The following AFAP1L2 variants were observed in gnomAD, a reference collection of about 807,000 sequenced individuals.
The protein encoded by AFAP1L2 is actin filament associated protein 1 like 2, also known as actin filament-associated protein 1-like 2.
In AFAP1L2, 46 loss-of-function variants were observed where a neutral mutation model predicts 99.3. The observed-to-expected ratio is 0.46, with a 90% CI of 0.37 to 0.59. The LOEUF (loss-of-function observed/expected upper bound fraction) is 0.59. Ranked by LOEUF, AFAP1L2 falls within the 20% of genes least tolerant of loss-of-function variation. The probability of loss-of-function intolerance (pLI) is 0.00; values close to 1 mark genes in which losing one functional copy is unlikely to be tolerated. For synonymous variants in AFAP1L2, 397 were observed against 419.1 expected, an observed-to-expected ratio of 0.95 and a Z score of 0.64; for missense variants, 959 against 1,034.9, an observed-to-expected ratio of 0.93 and a Z score of 1.01.
At chr10:114,384,740 C>T (rs1274927452) in intron 1 of AFAP1L2, among the ~76,000 whole-genome samples, 1 of 152,208 alleles carries the variant, frequency 6.6e-6, no homozygotes. Context: ...TAGCCCACGG[C>T]CTACTGGGGG....
At chr10:114,313,620 T>C (rs753760816) in intron 7 of AFAP1L2, among the ~76,000 whole-genome samples, 32 of 152,186 alleles carry the variant, frequency 2.1e-4, no homozygotes, top group Non-Finnish European at 3.1e-4. Context: ...AGGAGGGGGA[T>C]GCCTCACTAA....
rs191761242 is a variant in AFAP1L2, at chr10:114,325,134, A to T, written c.316-1873T>A. Among the ~76,000 whole-genome samples the T allele has an allele frequency of 8.5e-5, 13 of 152,216 alleles. No homozygotes were observed. In the East Asian group the frequency reaches 2.3e-3, roughly 27 times the overall value. On this transcript the variant is annotated intron_variant, in intron 4 of 18. Coordinates refer to ENST00000304129, the MANE Select transcript of AFAP1L2 (RefSeq NM_001001936.3). ...CGGGCTTCAGGACCTCATAGATTTA[A>T]CCTTGGGTATGTGACAGCCTCTCTG...
chr10:114,383,001 A>G (rs1032175643), intron 1 of AFAP1L2, among the ~76,000 whole-genome samples: 3 of 152,220 alleles, frequency 2.0e-5, no homozygotes, highest in Non-Finnish European at 4.4e-5. Context: ...CCCTGACTGG[A>G]TCATTACACT....
intron 16 of AFAP1L2, among the ~76,000 whole-genome samples, 185 bp downstream of exon 16, chr10:114,299,075 G>A (rs1244033970): frequency 3.3e-5 from 5 of 152,212 alleles, no homozygotes; most frequent in Non-Finnish European, 7.3e-5. Flanking sequence ...CTCTGTCCAG[G>A]AGAATGACCT....
At chr10:114,386,561 C>T (rs1164631918) in intron 1 of AFAP1L2, among the ~76,000 whole-genome samples, 1 of 152,150 alleles carries the variant, frequency 6.6e-6, no homozygotes, top group Non-Finnish European at 1.5e-5. Flanking sequence ...GGGCTCTTCC[C>T]CCGGCAGAGA....
intron 2 of AFAP1L2, among the ~76,000 whole-genome samples, chr10:114,339,962 G>C (rs2048549596): frequency 6.9e-6 from 1 of 145,550 alleles, no homozygotes; most frequent in South Asian, 2.2e-4. Flanking sequence ...AGTGGACTGA[G>C]ATCATGCCAC....
intron 1 of AFAP1L2, among the ~76,000 whole-genome samples, chr10:114,370,822 G>A (rs2053991376): frequency 6.6e-6 from 1 of 152,146 alleles, no homozygotes; most frequent in Admixed American, 6.5e-5. Context: ...TTCATCGAAA[G>A]CACCTTTGGT....
At chr10:114,402,431 G>A (rs1203592695) in intron 1 of AFAP1L2, among the ~76,000 whole-genome samples, 1 of 152,152 alleles carries the variant, frequency 6.6e-6, no homozygotes, top group Non-Finnish European at 1.5e-5. Flanking sequence ...ACACCAGCGA[G>A]ACAAAATAAA....
intron 2 of AFAP1L2, among the ~76,000 whole-genome samples, chr10:114,337,251 G>T (rs533671122): frequency 6.6e-6 from 1 of 152,374 alleles, no homozygotes; most frequent in Non-Finnish European, 1.5e-5. Flanking sequence ...TCAGGCAAGT[G>T]ACTTTCAGAG....
chr10:114,314,880 C>T (rs140481409), intron 6 of AFAP1L2, among the ~76,000 whole-genome samples: 2 of 152,164 alleles, frequency 1.3e-5, no homozygotes, highest in Admixed American at 6.5e-5. Flanking sequence ...CAGTGGCTCA[C>T]GCCTGTAAAC....
At chr10:114,336,165 G>C (rs1395212600) in intron 2 of AFAP1L2, among the ~76,000 whole-genome samples, 1 of 152,206 alleles carries the variant, frequency 6.6e-6, no homozygotes, top group African/African-American at 2.4e-5. Flanking sequence ...ACTTGGTTTT[G>C]ATTCTCAGAG....
the AFAP1L2 span, among the ~76,000 whole-genome samples, chr10:114,288,304 C>T: frequency 2.2e-4 from 34 of 152,212 alleles, no homozygotes; most frequent in Admixed American, 1.0e-3. Context: ...TCCACGCTGC[C>T]GACATCATTT....
At chr10:114,350,293 C>T (rs981705239) in intron 1 of AFAP1L2, among the ~76,000 whole-genome samples, 2 of 152,228 alleles carry the variant, frequency 1.3e-5, no homozygotes, top group South Asian at 4.1e-4. Context: ...GGCCCAATAG[C>T]ACACAGGGCT....
rs1324201814 is a variant in AFAP1L2, at chr10:114,313,952, G to A, written c.711C>T (p.His237=). 1 of 1,614,010 alleles carries A rather than the reference G, an allele frequency of 6.2e-7. No individual in the cohort carries two copies. Among genetic ancestry groups the A allele is most frequent in the Non-Finnish European group, 8.5e-7 (1 of 1,179,992 alleles). Residue 237 remains histidine (H), a synonymous_variant, in exon 7 of 19, where the codon CAC becomes CAT. Transcript: ENST00000304129. The part of the protein sequence containing the change: ...HKEKQVRKKE[H]KLKITPMNAD... The stretch of plus-strand genomic sequence containing the variant: ...CATTCATCGGCGTGATCTTCAGCTT[G>A]TGCTCCTTCTTCCGCACTTGCTTCT...
chr10:114,369,594 CAAAA>C (rs34904418), intron 1 of AFAP1L2, among the ~76,000 whole-genome samples: 1 of 74,660 alleles, frequency 1.3e-5, no homozygotes. Context: ...GACTCCGACT[CAAAA>C]AAAAAAAAAA....
rs1374550927 is a variant in AFAP1L2, at chr10:114,377,187, G to A, written c.16+27253C>T. 6.6e-6 allele frequency among the ~76,000 whole-genome samples: 1 copy of A among 152,220 alleles called. No homozygotes were observed. Among genetic ancestry groups the A allele is most frequent in the African/African-American group, 2.4e-5 (1 of 41,448 alleles). ...AGAACACTTCTGAACAACCAAATAT[G>A]AGATACTATGAACTCCATCTAACCT... On this transcript the variant is annotated intron_variant, in intron 1 of 18. Transcript: ENST00000304129. This position sits in a 1 kb window ranked among gnomAD's most constrained non-coding sequence, Gnocchi z 4.0.
intron 1 of AFAP1L2, among the ~76,000 whole-genome samples, chr10:114,374,084 T>A (rs1448491736): frequency 1.3e-5 from 2 of 152,166 alleles, no homozygotes; most frequent in South Asian, 2.1e-4. Context: ...CCATCTCCTA[T>A]AAACTCTGCG....
the AFAP1L2 span, among the ~76,000 whole-genome samples, chr10:114,286,688 G>T: frequency 6.6e-6 from 1 of 152,244 alleles, no homozygotes; most frequent in African/African-American, 2.4e-5. Context: ...AACAAAATGG[G>T]ACTAATAGTA....
At chr10:114,346,428 T>C (rs941561703) in intron 1 of AFAP1L2, among the ~76,000 whole-genome samples, 9 of 152,172 alleles carry the variant, frequency 5.9e-5, no homozygotes, top group Non-Finnish European at 1.3e-4. Context: ...CAGGAGGCCA[T>C]AGGCGATTCT....
Sources: gnomAD v4.1 joint callset for allele counts (sites outside exome capture counted in the v4.1 genomes callset) on GRCh38, gnomAD v4.1.1 for gene constraint, Gnocchi (gnomAD v3.1) non-coding constraint, MANE v1.5 for transcripts, NCBI Gene and HGNC (gene_info 2026-07-23, HGNC 2026-07-21) for gene names.